Variants in TTN observed in about 807,000 individuals in gnomAD.
TTN encodes connectin.
In TTN, 1,525 loss-of-function variants were observed where a neutral mutation model predicts 3,223.0. The ratio of observed to expected loss-of-function variants is 0.47; its 90% confidence interval spans 0.45 to 0.49. The LOEUF (loss-of-function observed/expected upper bound fraction) is 0.49. Among genes scored for constraint, TTN ranks in the 20% least tolerant of loss-of-function variants. The pLI, the probability that TTN is intolerant of heterozygous loss-of-function variation, is 0.00. For missense variants in TTN, 40,786 were observed against 43,424.0 expected (o/e 0.94, Z 5.40); for synonymous variants, 14,094 against 15,161.0 (o/e 0.93, Z 5.17).
intron 78 of TTN, 92 bp downstream of exon 78, chr2:178,721,755 C>G: frequency 1.5e-6 from 2 of 1,354,622 alleles, no homozygotes; most frequent in Non-Finnish European, 2.0e-6. Context: ...CAGTTAGTTT[C>G]TCTCAAACAT....
intron 350 of TTN, among the ~76,000 whole-genome samples, chr2:178,540,691 G>A (rs570440394): frequency 1.3e-5 from 2 of 152,212 alleles, no homozygotes; most frequent in East Asian, 1.9e-4. Context: ...AGCTACTCAG[G>A]AGGCTGAGGC....
At chr2:178,617,082 G>A in intron 255 of TTN, 38 bp downstream of exon 255, 1 of 1,610,648 alleles carries the variant, frequency 6.2e-7, no homozygotes. Flanking sequence ...AAGTAGCTAT[G>A]TGCTATTCCC....
chr2:178,544,133 A>G lies in TTN; in HGVS notation c.96029-18T>C, dbSNP rs1240720830. 4.4e-6 allele frequency: 7 copies of G among 1,601,564 alleles called. No individual in the cohort carries two copies. Among genetic ancestry groups the G allele is most frequent in the Non-Finnish European group, 6.0e-6 (7 of 1,172,332 alleles). On this transcript the variant is annotated intron_variant, in intron 345 of 362. Transcript: ENST00000589042. ...TGGTATTTCTGGAAAGTTAATGACA[A>G]AATTTAATTAATTCATGGACAGGTG...
Position 178,645,911 on chromosome 2 carries a change from A to G in TTN, c.40408+9T>C. On this transcript the variant is annotated intron_variant, in intron 217 of 362. Coordinates refer to ENST00000589042, the MANE Select transcript of TTN (RefSeq NM_001267550.2). ...AGGCTAATAAAACTTTGGAAGTGGC[A>G]TTTTTTACCTTTAAGTTGGAATATT... The G allele has an allele frequency of 6.5e-7, 1 of 1,531,372 alleles. No individual in the cohort carries two copies. The allele number at this position is 1,531,372 out of a possible 1,614,324, so 94.9% of individuals were successfully genotyped here.
At position 178,617,321 on chromosome 2, in the gene TTN, C is replaced by T; in HGVS notation, c.47760+4G>A. On this transcript the variant is annotated splice_donor_region_variant and intron_variant, in intron 254 of 362. Coordinates refer to ENST00000589042, the MANE Select transcript of TTN (RefSeq NM_001267550.2). ...ATATTCTTTTTTATATGCAAATGAC[C>T]TACCTTGTAAGTCAGTTCAGGGACA... The T allele has an allele frequency of 6.4e-7, 1 of 1,565,238 alleles. No homozygotes were observed. The highest frequency in any genetic ancestry group is 2.0e-5 in the Admixed American group (1 of 49,060).
chr2:178,599,612 G>A lies in TTN; in HGVS notation c.56289C>T (p.Thr18763=). The A allele has an allele frequency of 6.2e-7, 1 of 1,607,964 alleles. No homozygotes were observed. The highest frequency in any genetic ancestry group is 1.1e-5 in the South Asian group (1 of 89,876). The part of the protein sequence containing the change: ...QSRRSDTGLY[T]ITAVNNLGTA... ...TTCCCAGATTATTTACAGCTGTGAT[G>A]GTATATAAGCCAGTGTCACTCCTGC... Residue 18763 remains threonine (T), a synonymous_variant, in exon 289 of 363, where the codon ACC becomes ACT. Transcript: ENST00000589042.
chr2:178,689,200 AAGAAATACACCCAC>A, intron 124 of TTN, 64 bp from the exon 125 acceptor site: 1 of 1,587,396 alleles, frequency 6.3e-7, no homozygotes, highest in African/African-American at 1.4e-5. Context: ...GTGCAAAACA[AAGAAATACACCCAC>A]AGTGCACTCA....
At position 178,751,989 on chromosome 2, in the gene TTN, C is replaced by T. The variant is rs149878929; in HGVS notation, c.11311+1135G>A. ...TCTATGTCTTCAGAATCTGAAAAGG[C>T]GTCACGTGTATCCCTTTCTGAATGT... On this transcript the variant is annotated intron_variant, in intron 47 of 362. Transcript: ENST00000589042. The T allele has an allele frequency of 2.3e-4, 359 of 1,587,522 alleles. No homozygotes were observed. The African/African-American group carries it at 4.5e-3, about 20-fold the overall frequency.
chr2:178,583,281 CCTT>C, intron 312 of TTN, 54 bp from the exon 313 acceptor site: 1 of 1,388,716 alleles, frequency 7.2e-7, no homozygotes. Flanking sequence ...ATTATGTAAT[CCTT>C]ATTAATAATA....
At position 178,669,597 on chromosome 2, in the gene TTN, G is replaced by C. The variant is rs776705886; in HGVS notation, c.35465C>G (p.Ala11822Gly). 9 of 1,612,460 alleles carry C rather than the reference G, an allele frequency of 5.6e-6. 1 individual carries two copies. The Middle Eastern group carries it at 5.0e-4, about 89-fold the overall frequency. ...AVLKKPEVPP[A>G]KVPGMPKKSV... The stretch of plus-strand genomic sequence containing the variant: ...TGATTAGCATCACTGTATACCTTTA[G>C]CTGGTGGAACTTCAGGCTTTTTCAG... The change falls in exon 158 of 363, where the codon GCT becomes GGT. Residue 11822 changes from alanine to glycine, a missense_variant. Transcript: ENST00000589042.
At position 178,542,719 on chromosome 2, in the gene TTN, G is replaced by A. The variant is rs1361697291; in HGVS notation, c.97135C>T (p.Leu32379Phe). 3.7e-6 allele frequency: 6 copies of A among 1,613,666 alleles called. No homozygotes were observed. Among genetic ancestry groups the A allele is most frequent in the Non-Finnish European group, 5.1e-6 (6 of 1,179,770 alleles). The change falls in exon 348 of 363, where the codon CTT becomes TTT. Residue 32379 changes from leucine to phenylalanine, a missense_variant. Transcript: ENST00000589042. ...TTIRDTGEYT[L>F]ELKNVTGTTS... ...GTTCCGGTAACATTCTTCAATTCAA[G>A]TGTGTATTCTCCAGTATCTCTGATA...
chr2:178,689,349 A>G lies in TTN; in HGVS notation c.31952T>C (p.Val10651Ala), dbSNP rs565666067. The change falls in exon 124 of 363, where the codon GTT becomes GCT. Residue 10651 changes from valine (V) to alanine (A), a missense_variant. Val to Ala is a moderately conservative substitution (Grantham distance 64). Transcript: ENST00000589042. The part of the protein sequence containing the change: ...PAVPEIPKKK[V>A]PEERKPVPRK... ...AGGAACAGGTTTCCTTTCTTCAGGA[A>G]CTTTCTTCTTTGGTATTTCTGGCAC... is the stretch of plus-strand genomic sequence containing the variant. 13 of 1,613,850 alleles carry G rather than the reference A, an allele frequency of 8.1e-6. No homozygotes were observed. Among genetic ancestry groups the G allele is most frequent in the South Asian group, 6.6e-5 (6 of 91,072 alleles).
Position 178,529,037 on chromosome 2 carries a change from T to A in TTN, c.106714A>T (p.Ile35572Phe). The A allele has an allele frequency of 6.2e-7, 1 of 1,614,000 alleles. No homozygotes were observed. Among genetic ancestry groups the A allele is most frequent in the Non-Finnish European group, 8.5e-7 (1 of 1,179,882 alleles). The change falls in exon 360 of 363, where the codon ATT becomes TTT. Residue 35572 changes from isoleucine (I) to phenylalanine (F), a missense_variant. Transcript: ENST00000589042. ...GCTGATTTCTTGACTTCTTCAGAAA[T>A]CAGAACCTTTGAAGCTTCCTCTTTG... ...ALKEEASKVL[I>F]SEEVKKSAAT...
rs369214339 is a variant in TTN at position 178,746,622 on chromosome 2, T to C, written c.11312-4701A>G. On this transcript the variant is annotated intron_variant, in intron 47 of 362. Transcript: ENST00000589042. ...GCAAAGCTCTTTGCTTCCCCTATGA[T>C]GTTTACAGCATGACACATGTACTCT... 93 of 1,613,242 alleles carry C rather than the reference T, an allele frequency of 5.8e-5. No homozygotes were observed. Among genetic ancestry groups the C allele is most frequent in the Admixed American group, 1.0e-4 (6 of 59,868 alleles).
Position 178,616,469 on chromosome 2 carries a change from C to G in TTN, c.48312+10G>C, listed in dbSNP as rs372193364. ...TTTTTGGCATTGATGCAGTGCTGCT[C>G]AAAACTCACTTTAGTCCATGTTTTC... On this transcript the variant is annotated intron_variant, in intron 257 of 362. Transcript: ENST00000589042. 12 of 1,611,666 alleles carry G rather than the reference C, an allele frequency of 7.4e-6. No homozygotes were observed. The highest frequency in any genetic ancestry group is 1.3e-5 in the African/African-American group (1 of 74,756).
Position 178,728,962 on chromosome 2 carries a change from C to T in TTN, c.19076G>A (p.Ser6359Asn), listed in dbSNP as rs2079878720. ...LQIRSVDNGH[S>N]GRYTCQAKNE... is the part of the protein sequence containing the mutation. Reference sequence around the variant, plus strand: ...CTTGGCTTGACAGGTATATCTCCCACTGTGTCCATTATCCACACTTCTGAT... The same window carrying T: ...CTTGGCTTGACAGGTATATCTCCCATTGTGTCCATTATCCACACTTCTGAT... The change falls in exon 65 of 363, where the codon AGT (serine) becomes AAT (asparagine). Residue 6359 changes from serine (S) to asparagine (N), a missense_variant. Coordinates refer to ENST00000589042, the MANE Select transcript of TTN (RefSeq NM_001267550.2). 1 of 1,613,056 alleles carries T rather than the reference C, an allele frequency of 6.2e-7. No individual in the cohort carries two copies. The highest frequency in any genetic ancestry group is 1.1e-5 in the South Asian group (1 of 90,988).
At chr2:178,587,013 T>A (rs2154181863) in intron 307 of TTN, 105 bp downstream of exon 307, 1 of 1,488,928 alleles carries the variant, frequency 6.7e-7, no homozygotes, top group South Asian at 1.2e-5. Context: ...TTTCGGTCTC[T>A]ACAAATGAAA....
chr2:178,731,728 C>G lies in TTN; in HGVS notation c.17147G>C (p.Gly5716Ala). 1 of 1,613,132 alleles carries G rather than the reference C, an allele frequency of 6.2e-7. No homozygotes were observed. ...EYQCRVTNEV[G>A]SSICSARVTL... Reference sequence around the variant, plus strand: ...CACCCTGGCACTGCAGATGCTGCTGCCCACCTCATTGGTCACCCGACACTG... The same window carrying G: ...CACCCTGGCACTGCAGATGCTGCTGGCCACCTCATTGGTCACCCGACACTG... The change falls in exon 58 of 363, where the codon GGC becomes GCC. Residue 5716 changes from glycine (G) to alanine (A), a missense_variant. Coordinates refer to ENST00000589042, the MANE Select transcript of TTN (RefSeq NM_001267550.2).
chr2:178,722,959 T>C, intron 75 of TTN, 22 bp from the exon 76 acceptor site: 1 of 1,600,514 alleles, frequency 6.2e-7, no homozygotes, highest in East Asian at 2.2e-5. Context: ...AGGCTCACAG[T>C]TAGCAACTGG....
Sources: gnomAD v4.1 joint callset for allele counts (sites outside exome capture counted in the v4.1 genomes callset) on GRCh38, gnomAD v4.1.1 for gene constraint, MANE v1.5 for transcripts, NCBI Gene and HGNC (gene_info 2026-07-23, HGNC 2026-07-21) for gene names.